The following DNAH9 variants were observed in gnomAD, a reference collection of about 807,000 sequenced individuals.
DNAH9 encodes the protein DNAH9 variant protein.
A neutral mutation model predicts 471.6 loss-of-function variants in DNAH9; 345 were observed. That is an observed-to-expected ratio of 0.73 (90% CI 0.67 to 0.80). The LOEUF is 0.80. Among genes scored for constraint, DNAH9 ranks in the 30% least tolerant of loss-of-function variants. The probability of loss-of-function intolerance (pLI) is 0.00; values close to 1 mark genes in which losing one functional copy is unlikely to be tolerated. For synonymous variants in DNAH9, 2,093 were observed against 2,123.6 expected (o/e 0.99, Z 0.40); for missense variants, 5,407 against 5,609.2 (o/e 0.96, Z 1.15).
rs552460328 is a variant in DNAH9 at position 11,883,566 on chromosome 17, C to G, written c.10807-20C>G. ...GCCCTGGGCATCTGCACCTGACTGT[C>G]TCTTGCTTGATATTTGCAGTCCGAT... On this transcript the variant is annotated intron_variant, in intron 55 of 68. Coordinates refer to ENST00000262442, the MANE Select transcript of DNAH9 (RefSeq NM_001372.4). The G allele has an allele frequency of 6.2e-7, 1 of 1,613,268 alleles. No individual in the cohort carries two copies. Among genetic ancestry groups the G allele is most frequent in the Admixed American group, 1.7e-5 (1 of 60,012 alleles).
intron 14 of DNAH9, among the ~76,000 whole-genome samples, chr17:11,654,342 C>T (rs1485912103): frequency 3.0e-4 from 10 of 33,810 alleles, no homozygotes; most frequent in Non-Finnish European, 5.6e-4. Flanking sequence ...GGCCACAGAG[C>T]GAGACTCCGT....
At chr17:11,701,390 G>C in intron 24 of DNAH9, 143 bp downstream of exon 24, 1 of 868,436 alleles carries the variant, frequency 1.2e-6, no homozygotes, top group Non-Finnish European at 1.8e-6. Context: ...CACTGTGAGG[G>C]GTCAGCAGGT....
intron 48 of DNAH9, among the ~76,000 whole-genome samples, chr17:11,828,131 C>G (rs369695905): frequency 2.4e-4 from 36 of 152,266 alleles, no homozygotes; most frequent in African/African-American, 7.9e-4. Flanking sequence ...TCTACTCTTG[C>G]CCCTCTGTAG....
In DNAH9 at chr17:11,698,210, T is replaced by C. The variant is rs1407837575; in HGVS notation, c.4873-1521T>C. On this transcript the variant is annotated intron_variant, in intron 22 of 68. Transcript: ENST00000262442. Reference sequence around the variant, plus strand: ...TATTAATATAATAATATATTAATAATATAATTATATTAATATAATAGCAAT... The same window carrying C: ...TATTAATATAATAATATATTAATAACATAATTATATTAATATAATAGCAAT... Among the ~76,000 whole-genome samples the C allele has an allele frequency of 5.6e-5, 7 of 124,752 alleles. No homozygotes were observed. In the South Asian group the frequency reaches 1.4e-3, roughly 25 times the overall value. The allele number at this position is 124,752 out of a possible 152,430, so 81.8% of individuals were successfully genotyped here. A position where few individuals can be genotyped will look rare whatever the true frequency, so the allele number is the denominator to read the frequency against.
intron 49 of DNAH9, among the ~76,000 whole-genome samples, chr17:11,844,663 C>T (rs1971150436): frequency 6.6e-6 from 1 of 152,110 alleles, no homozygotes; most frequent in Non-Finnish European, 1.5e-5. Context: ...CCTCAGCCTC[C>T]CAAAGTGCTT....
chr17:11,758,913 C>T (rs143437304), intron 35 of DNAH9, among the ~76,000 whole-genome samples: 14 of 152,090 alleles, frequency 9.2e-5, no homozygotes, highest in African/African-American at 3.1e-4. Context: ...GCTTTCAGTC[C>T]GTGGGTGACC....
At chr17:11,910,573 G>C (rs1232340355) in intron 61 of DNAH9, among the ~76,000 whole-genome samples, 1 of 152,110 alleles carries the variant, frequency 6.6e-6, no homozygotes, top group Non-Finnish European at 1.5e-5. Flanking sequence ...GTATATACCT[G>C]GGAGTAGAAT....
In DNAH9 at chr17:11,757,637, T is replaced by C. The variant is rs1967455325; in HGVS notation, c.6940T>C (p.Leu2314=). 2 of 1,614,142 alleles carry C rather than the reference T, an allele frequency of 1.2e-6. No homozygotes were observed. The highest frequency in any genetic ancestry group is 2.7e-5 in the African/African-American group (2 of 75,044). ...KREIQTERAN[L]TILFDKYLPT... is the part of the protein sequence containing the mutation. Reference sequence around the variant, plus strand: ...GGAAATCCAGACAGAGAGAGCCAACTTAACCATTTTGTTCGACAAGTATCT... The same window carrying C: ...GGAAATCCAGACAGAGAGAGCCAACCTAACCATTTTGTTCGACAAGTATCT... Residue 2314 remains leucine, a synonymous_variant, in exon 35 of 69, where the codon TTA becomes CTA. Coordinates refer to ENST00000262442, the MANE Select transcript of DNAH9 (RefSeq NM_001372.4).
At chr17:11,644,752 GC>G in intron 11 of DNAH9, 53 bp downstream of exon 11, 1 of 1,256,958 alleles carries the variant, frequency 8.0e-7, no homozygotes, top group Non-Finnish European at 1.2e-6. Context: ...CCTCCATGCT[GC>G]CTTTTGCAGC....
chr17:11,651,016 AG>A (rs1597434735), intron 12 of DNAH9, 52 bp from the exon 13 acceptor site: 25 of 1,577,230 alleles, frequency 1.6e-5, no homozygotes, highest in South Asian at 1.5e-4. Context: ...CCAATGCTGC[AG>A]ATTATTCATT....
intron 13 of DNAH9, among the ~76,000 whole-genome samples, chr17:11,652,245 T>G (rs980550358): frequency 6.6e-6 from 1 of 150,592 alleles, no homozygotes; most frequent in Non-Finnish European, 1.5e-5. Context: ...TACCTCTTTC[T>G]CTTCCTCCAT....
At chr17:11,859,084 CAAAAAAAA>C (rs56040033) in intron 50 of DNAH9, among the ~76,000 whole-genome samples, 2 of 64,374 alleles carry the variant, frequency 3.1e-5, no homozygotes, top group Non-Finnish European at 5.6e-5. Flanking sequence ...AACCCCGTCT[CAAAAAAAA>C]AAAAAAAAAA....
intron 62 of DNAH9, among the ~76,000 whole-genome samples, chr17:11,928,434 A>C (rs960641594): frequency 6.6e-6 from 1 of 152,250 alleles, no homozygotes; most frequent in South Asian, 2.1e-4. Context: ...TGTGTATTTA[A>C]GGCTTTGCAT....
rs1205544456 is a variant in DNAH9 at position 11,960,724 on chromosome 17, A to C, written c.12844-1143A>C. On this transcript the variant is annotated intron_variant, in intron 67 of 68. Transcript: ENST00000262442. Reference sequence around the variant, plus strand: ...CAGTGAGCAGAGATTGCGCCCCTGCACTCCCGCCTGGGTGACAGAGCAAGA... The same window carrying C: ...CAGTGAGCAGAGATTGCGCCCCTGCCCTCCCGCCTGGGTGACAGAGCAAGA... 2.6e-5 allele frequency among the ~76,000 whole-genome samples: 4 copies of C among 151,836 alleles called. 1 individual carries two copies. The highest frequency in any genetic ancestry group is 4.4e-5 in the Non-Finnish European group (3 of 67,966).
At chr17:11,851,121 G>GTTGTTT (rs1971408060) in intron 49 of DNAH9, among the ~76,000 whole-genome samples, 1 of 151,442 alleles carries the variant, frequency 6.6e-6, no homozygotes, top group Non-Finnish European at 1.5e-5. Context: ...TGTTGTTGTT[G>GTTGTTT]TTGTTTGAGA....
At chr17:11,766,680 T>C (rs999622331) in intron 36 of DNAH9, among the ~76,000 whole-genome samples, 41 of 152,236 alleles carry the variant, frequency 2.7e-4, no homozygotes, top group African/African-American at 9.4e-4. Flanking sequence ...GAAAGGATCA[T>C]TGGGCTGGGT....
intron 20 of DNAH9, among the ~76,000 whole-genome samples, chr17:11,690,879 C>T (rs2074323537): frequency 6.6e-6 from 1 of 152,126 alleles, no homozygotes. Flanking sequence ...TGTGCCAGCG[C>T]TCCAACTACC....
chr17:11,657,805 A>AT (rs915544612), intron 14 of DNAH9, among the ~76,000 whole-genome samples: 6 of 151,878 alleles, frequency 4.0e-5, no homozygotes, highest in African/African-American at 1.4e-4. Context: ...TCCCTTTTGA[A>AT]TTTTTTGGCA....
chr17:11,692,344 A>G (rs1347319277), intron 20 of DNAH9, among the ~76,000 whole-genome samples: 1 of 152,182 alleles, frequency 6.6e-6, no homozygotes, highest in Non-Finnish European at 1.5e-5. Context: ...TGTAATAATA[A>G]TACCACAAGC....
Sources: gnomAD v4.1 joint callset for allele counts (sites outside exome capture counted in the v4.1 genomes callset) on GRCh38, gnomAD v4.1.1 for gene constraint, MANE v1.5 for transcripts, NCBI Gene and HGNC (gene_info 2026-07-23, HGNC 2026-07-21) for gene names.